Variants in HOATZ observed in about 807,000 individuals in gnomAD.
HOATZ encodes the protein HOATZ cilia and flagella associated protein, also known as cilia- and flagella-associated protein HOATZ.
In HOATZ, 26 loss-of-function variants were observed where a neutral mutation model predicts 24.9. The observed-to-expected ratio is 1.04, with a 90% confidence interval of 0.76 to 1.45. The LOEUF is 1.45. Among genes scored for constraint, HOATZ ranks in the 40% most tolerant of loss-of-function variants. HOATZ has a pLI of 0.00. For missense variants in HOATZ, 226 were observed against 201.5 expected, an observed-to-expected ratio of 1.12 and a Z score of -0.74; for synonymous variants, 83 against 76.6, an observed-to-expected ratio of 1.08 and a Z score of -0.43.
At chr11:111,521,181 T>G (rs970733086) in intron 3 of HOATZ, among the ~76,000 whole-genome samples, 4 of 152,180 alleles carry the variant, frequency 2.6e-5, no homozygotes, top group African/African-American at 9.7e-5. Context: ...CTTTCTCCCA[T>G]TTCTTCCCAT....
chr11:111,536,706 G>A (rs1867454236), intron 5 of HOATZ, 64 bp from the exon 6 acceptor site: 1 of 1,307,076 alleles, frequency 7.7e-7, no homozygotes, highest in East Asian at 2.3e-5. Flanking sequence ...TTGTTTTCAT[G>A]CTACATCATG....
chr11:111,515,592 T>A, intron 2 of HOATZ, 40 bp downstream of exon 2: 2 of 1,532,180 alleles, frequency 1.3e-6, no homozygotes, highest in South Asian at 2.2e-5. Flanking sequence ...TTCTGACTCC[T>A]AGGTTCATCA....
chr11:111,517,064 T>C (rs1416967222), intron 3 of HOATZ, among the ~76,000 whole-genome samples: 1 of 152,250 alleles, frequency 6.6e-6, no homozygotes, highest in Non-Finnish European at 1.5e-5. Context: ...ATTGGACATA[T>C]TGGCAAACTC....
chr11:111,515,456 T>G, intron 1 of HOATZ, 55 bp from the exon 2 acceptor site: 2 of 1,466,784 alleles, frequency 1.4e-6, no homozygotes, highest in Non-Finnish European at 1.9e-6. Context: ...TTCAAACGCC[T>G]TTAATGTTGT....
rs747796985 is a variant in HOATZ, at chr11:111,534,481, C to G, written c.452+17C>G. 6 of 1,576,848 alleles carry G rather than the reference C, an allele frequency of 3.8e-6. No homozygotes were observed. Among genetic ancestry groups the G allele is most frequent in the Non-Finnish European group, 4.4e-6 (5 of 1,146,500 alleles). On this transcript the variant is annotated intron_variant, in intron 5 of 5. Coordinates refer to ENST00000375618, the MANE Select transcript of HOATZ (RefSeq NM_001100388.2). ...CAAAGCAAAGTAAGTTTACCTATGT[C>G]AAAAATATTCTCTCACCTTTCAACT... is the stretch of plus-strand genomic sequence containing the variant.
At chr11:111,519,008 G>C (rs1351697319) in intron 3 of HOATZ, 1 of 456,112 alleles carries the variant, frequency 2.2e-6, no homozygotes, top group East Asian at 6.9e-5. Context: ...TTTCCTGCTA[G>C]ATTACAGGCA....
At chr11:111,521,170 C>T (rs1407518320) in intron 3 of HOATZ, among the ~76,000 whole-genome samples, 1 of 152,096 alleles carries the variant, frequency 6.6e-6, no homozygotes, top group Non-Finnish European at 1.5e-5. Context: ...CCTGGAAATG[C>T]CTTTCTCCCA....
At chr11:111,522,548 T>G (rs1867281457) in intron 3 of HOATZ, among the ~76,000 whole-genome samples, 1 of 152,204 alleles carries the variant, frequency 6.6e-6, no homozygotes, top group Non-Finnish European at 1.5e-5. Flanking sequence ...GTATCTATAT[T>G]TACTTCATTT....
chr11:111,534,758 A>C (rs1591559376), intron 5 of HOATZ: 1 of 306,088 alleles, frequency 3.3e-6, no homozygotes, highest in South Asian at 6.2e-5. Flanking sequence ...CTATATAATC[A>C]CCCATCATCA....
chr11:111,528,868 A>G (rs901622911), intron 3 of HOATZ, among the ~76,000 whole-genome samples: 1 of 152,168 alleles, frequency 6.6e-6, no homozygotes, highest in African/African-American at 2.4e-5. Context: ...GTGTGTTTGA[A>G]GTGTGGCAAA....
intron 3 of HOATZ, 32 bp from the exon 4 acceptor site, chr11:111,533,714 C>T (rs761358403): frequency 3.4e-5 from 52 of 1,507,822 alleles, no homozygotes; most frequent in Middle Eastern, 3.4e-4. Flanking sequence ...ATTATTGAAT[C>T]GAGACACCCA....
intron 3 of HOATZ, among the ~76,000 whole-genome samples, chr11:111,525,403 A>G (rs7104658): frequency 0.026 from 3,973 of 152,224 alleles, 166 homozygotes; most frequent in African/African-American, 0.09. Flanking sequence ...AATGCTGCCA[A>G]TAGATAAAAT....
chr11:111,527,162 G>T (rs1196692303), intron 3 of HOATZ, among the ~76,000 whole-genome samples: 3 of 152,140 alleles, frequency 2.0e-5, no homozygotes, highest in Non-Finnish European at 4.4e-5. Flanking sequence ...CATTTTGTGT[G>T]TGCATGCATG....
chr11:111,521,134 T>C (rs899447802), intron 3 of HOATZ, among the ~76,000 whole-genome samples: 9 of 152,176 alleles, frequency 5.9e-5, no homozygotes, highest in Non-Finnish European at 1.2e-4. Context: ...CATTTTTCTG[T>C]GACATTGAAC....
intron 2 of HOATZ, 121 bp downstream of exon 2, chr11:111,515,673 C>T: frequency 2.4e-6 from 2 of 830,140 alleles, no homozygotes; most frequent in Middle Eastern, 4.6e-4. Context: ...ACACCTAAGT[C>T]CCTGCTCAGG....
chr11:111,531,905 A>G (rs1867397481), intron 3 of HOATZ, among the ~76,000 whole-genome samples: 1 of 152,198 alleles, frequency 6.6e-6, no homozygotes, highest in South Asian at 2.1e-4. Context: ...CAGATGAGCC[A>G]TCAGGACTGG....
rs752878435 is a variant in HOATZ, at chr11:111,515,026, G to A, written c.226+16G>A. 1.3e-6 allele frequency: 2 copies of A among 1,593,872 alleles called. No homozygotes were observed. The highest frequency in any genetic ancestry group is 2.2e-5 in the South Asian group (2 of 90,666). On this transcript the variant is annotated intron_variant, in intron 1 of 5. Coordinates refer to ENST00000375618, the MANE Select transcript of HOATZ (RefSeq NM_001100388.2). ...AGAGGGTCTGGTGAGTAGAATAGCG[G>A]CCTCCTGTCAGTCATATCTGCCTCA...
chr11:111,515,226 C>T, intron 1 of HOATZ: 1 of 599,850 alleles, frequency 1.7e-6, no homozygotes, highest in Non-Finnish European at 2.9e-6. Flanking sequence ...ATATAAGTTT[C>T]CCTTAAATTA....
At chr11:111,524,255 T>C (rs1867306759) in intron 3 of HOATZ, among the ~76,000 whole-genome samples, 1 of 152,156 alleles carries the variant, frequency 6.6e-6, no homozygotes, top group African/African-American at 2.4e-5. Context: ...CAAGAGGATG[T>C]GGGAGCAACA....
Sources: gnomAD v4.1 joint callset for allele counts (sites outside exome capture counted in the v4.1 genomes callset) on GRCh38, gnomAD v4.1.1 for gene constraint, MANE v1.5 for transcripts, NCBI Gene and HGNC (gene_info 2026-07-23, HGNC 2026-07-21) for gene names.